Variants in STAG3 observed in about 807,000 individuals in gnomAD.
STAG3 encodes the protein STAG3 cohesin complex component, also known as cohesin subunit SA-3.
Under a neutral mutation model 160.7 loss-of-function variants are expected in STAG3, and 101 were observed. The observed-to-expected ratio is 0.63, with a 90% CI of 0.54 to 0.74. The LOEUF (loss-of-function observed/expected upper bound fraction) is 0.74. Among genes scored for constraint, STAG3 ranks in the 30% least tolerant of loss-of-function variants. STAG3 has a pLI of 0.00. For synonymous variants in STAG3, 519 were observed against 585.0 expected, an observed-to-expected ratio of 0.89 and a Z score of 1.63; for missense variants, 1,188 against 1,517.4, an observed-to-expected ratio of 0.78 and a Z score of 3.61.
At chr7:100,178,477 A>T (rs115838582) in intron 1 of STAG3, among the ~76,000 whole-genome samples, 2,318 of 151,298 alleles carry the variant, frequency 0.015, 49 homozygotes, top group African/African-American at 0.05. Flanking sequence ...ATTTCATTTT[A>T]AAAAACCTGT....
intron 33 of STAG3, 61 bp downstream of exon 33, chr7:100,213,867 A>G (rs376817334): frequency 1.9e-6 from 3 of 1,613,806 alleles, no homozygotes; most frequent in Admixed American, 1.7e-5. Context: ...CAACCCGTGC[A>G]CTCATCAAAT....
At chr7:100,212,262 C>G (rs1412115054) in intron 32 of STAG3, 2 of 176,310 alleles carry the variant, frequency 1.1e-5, no homozygotes, top group African/African-American at 4.8e-5. Flanking sequence ...CATCTCCCTA[C>G]TAGAGGGCTT....
intron 32 of STAG3, chr7:100,213,204 C>A: frequency 1.6e-6 from 1 of 609,814 alleles, no homozygotes; most frequent in Non-Finnish European, 2.1e-6. Flanking sequence ...ATGAGGGCTG[C>A]ACCCCTATGA....
chr7:100,219,133 A>G (rs1803028059), downstream of STAG3: 1 of 152,576 alleles, frequency 6.6e-6, no homozygotes, highest in African/African-American at 2.4e-5. Flanking sequence ...AAGCCGAAAA[A>G]TAAAGTATCT....
At position 100,180,631 on chromosome 7, in the gene STAG3, T is replaced by G. The variant is rs1799585252; in HGVS notation, c.75T>G (p.Ser25Arg). Residue 25 changes from serine (S) to arginine (R), a missense_variant, in exon 2 of 34, where the codon AGT (serine) becomes AGG (arginine). Around this residue, in one of 4 missense-constraint regions of STAG3, gnomAD observed 296 missense variants for 404.0 expected, o/e 0.73. Transcript: ENST00000615138. ...CTGCATCTTCTAGTTCCTCTGCCAG[T>G]CTACCCTTTGATGACAGGGACTCAA... ...ALSASSSSSA[S>R]LPFDDRDSNH... 1 of 1,613,468 alleles carries G rather than the reference T, an allele frequency of 6.2e-7. No individual in the cohort carries two copies. Among genetic ancestry groups the G allele is most frequent in the East Asian group, 2.2e-5 (1 of 44,882 alleles).
chr7:100,213,349 C>T (rs1454943257), intron 32 of STAG3: 1 of 985,080 alleles, frequency 1.0e-6, no homozygotes, highest in East Asian at 1.1e-4. Context: ...CTTCTGTTCT[C>T]TTCTCTGCAG....
intron 16 of STAG3, 139 bp from the exon 17 acceptor site, chr7:100,200,097 A>G: frequency 1.7e-6 from 1 of 573,390 alleles, no homozygotes; most frequent in Non-Finnish European, 3.0e-6. Context: ...TTTCATTTCC[A>G]GAAAAAAGAA....
rs1562989009 is a variant in STAG3 at position 100,201,880 on chromosome 7, TTAGA to T, written c.2301+16_2301+19del. On this transcript the variant is annotated intron_variant, in intron 22 of 33. Coordinates refer to ENST00000615138, the MANE Select transcript of STAG3 (RefSeq NM_001282717.2). ...GATGCTTCCCAGGTGAGTGTGGGTC[TTAGA>T]TGGGATAATGGGAACAGAGGAGTCT... The T allele has an allele frequency of 1.9e-6, 3 of 1,614,122 alleles. No individual in the cohort carries two copies. The highest frequency in any genetic ancestry group is 1.7e-6 in the Non-Finnish European group (2 of 1,179,972).
chr7:100,182,205 G>T lies in STAG3; in HGVS notation c.219+13G>T. Reference sequence around the variant, plus strand: ...GAAAACAACACCGGTGAGTCAGCCAGTTTTCTTTTGTTTTTGAATCTTGTG... The same window carrying T: ...GAAAACAACACCGGTGAGTCAGCCATTTTTCTTTTGTTTTTGAATCTTGTG... On this transcript the variant is annotated intron_variant, in intron 3 of 33. Transcript: ENST00000615138. 1 of 1,595,486 alleles carries T rather than the reference G, an allele frequency of 6.3e-7. No individual in the cohort carries two copies. The highest frequency in any genetic ancestry group is 2.2e-5 in the East Asian group (1 of 44,682).
intron 6 of STAG3, 79 bp from the exon 7 acceptor site, chr7:100,188,733 T>G: frequency 2.1e-6 from 3 of 1,431,488 alleles, no homozygotes; most frequent in Non-Finnish European, 2.9e-6. Context: ...ACTGGACTGT[T>G]GAGTTTTGAC....
At chr7:100,198,759 C>G in intron 13 of STAG3, 84 bp from the exon 14 acceptor site, 1 of 1,335,508 alleles carries the variant, frequency 7.5e-7, no homozygotes, top group Non-Finnish European at 1.1e-6. Context: ...TTATCATCTC[C>G]TTGGGCCATC....
rs530354158 is a variant in STAG3 at position 100,203,312 on chromosome 7, A to G, written c.2701-709A>G. On this transcript the variant is annotated intron_variant, in intron 25 of 33. Transcript: ENST00000615138. ...GCAGTTCTCCTGCCTCAGCCTCCCA[A>G]GTAGCTGGGATTACAGGCATGCGCT... Among the ~76,000 whole-genome samples, 244 of 151,562 alleles carry G rather than the reference A, an allele frequency of 1.6e-3. 2 individuals are homozygous for G. The highest frequency in any genetic ancestry group is 5.7e-3 in the African/African-American group (237 of 41,274).
chr7:100,197,832 C>G lies in STAG3; in HGVS notation c.1120C>G (p.Arg374Gly). 5 of 1,613,886 alleles carry G rather than the reference C, an allele frequency of 3.1e-6. No individual in the cohort carries two copies. Among genetic ancestry groups the G allele is most frequent in the Non-Finnish European group, 4.2e-6 (5 of 1,179,982 alleles). ...VKALKGLYGN[R>G]DLTTRLELFT... ...GGCCCTGAAAGGGCTGTACGGTAACCGGGACCTGACCACACGCCTGGAGCT... is the reference window on the plus strand; with the variant it reads ...GGCCCTGAAAGGGCTGTACGGTAACGGGGACCTGACCACACGCCTGGAGCT... Residue 374 changes from arginine (R) to glycine (G), a missense_variant, in exon 11 of 34, where the codon CGG becomes GGG. This residue lies in a region of STAG3 where 240 missense variants were observed against 358.1 expected (regional missense o/e 0.67). Transcript: ENST00000615138.
rs924775737 is a variant in STAG3, at chr7:100,210,676, A to G, written c.3239-335A>G. Among the ~76,000 whole-genome samples the G allele has an allele frequency of 6.6e-5, 10 of 150,812 alleles. No individual in the cohort carries two copies. The East Asian group carries it at 1.8e-3, about 27-fold the overall frequency. On this transcript the variant is annotated intron_variant, in intron 29 of 33. Transcript: ENST00000615138. ...AGACCTCTCAATCTTAGAGACTCCA[A>G]CCCTCCCTCATGTTTGTGTTCACCT...
downstream of STAG3, among the ~76,000 whole-genome samples, chr7:100,216,733 G>A (rs1023164917): frequency 4.0e-5 from 6 of 151,868 alleles, no homozygotes; most frequent in Admixed American, 6.6e-5. Context: ...TTTGGGAGAT[G>A]GAGGTTGCAG....
rs200071169 is a variant in STAG3 at position 100,205,262 on chromosome 7, C to T, written c.3116C>T (p.Ser1039Phe). 7.5e-4 allele frequency: 1,206 copies of T among 1,614,128 alleles called. 9 individuals are homozygous for T. The highest frequency in any genetic ancestry group is 1.6e-4 in the Non-Finnish European group (184 of 1,180,022). ...SYLEKCLQHVSQAPGHPWGPV... is the reference protein window; with the variant it reads ...SYLEKCLQHVFQAPGHPWGPV... ...CTAGAAAAGTGCCTGCAGCATGTCT[C>T]CCAGGCACCTGGCCATCCCTGGGGC... The change falls in exon 29 of 34, where the codon TCC becomes TTC. Residue 1039 changes from serine to phenylalanine, a missense_variant. Physicochemically the swap from Ser to Phe is radical, Grantham distance 155. This residue lies in a region of STAG3 where 647 missense variants were observed against 717.2 expected (regional missense o/e 0.90). Coordinates refer to ENST00000615138, the MANE Select transcript of STAG3 (RefSeq NM_001282717.2).
At chr7:100,200,657 C>A (rs867250156) in intron 18 of STAG3, 112 bp from the exon 19 acceptor site, 1 of 1,526,894 alleles carries the variant, frequency 6.5e-7, no homozygotes. Context: ...CAAGCCTTTT[C>A]TTAGGCATCT....
rs751084132 is a variant in STAG3, at chr7:100,199,320, T to C, written c.1526T>C (p.Leu509Pro). The C allele has an allele frequency of 2.2e-5, 36 of 1,614,062 alleles. No individual in the cohort carries two copies. Residue 509 changes from leucine (L) to proline (P), a missense_variant, in exon 15 of 34, where the codon CTG (leucine) becomes CCG (proline). This residue lies in a region of STAG3 where 240 missense variants were observed against 358.1 expected (regional missense o/e 0.67). Coordinates refer to ENST00000615138, the MANE Select transcript of STAG3 (RefSeq NM_001282717.2). ...DSLWDCAGARLKDWEGLTSLL... is the reference protein window; with the variant it reads ...DSLWDCAGARPKDWEGLTSLL... ...CTGTGGGACTGTGCAGGGGCTCGGCTGAAGGACTGGGAGGGTCTGACAAGC... is the reference window on the plus strand; with the variant it reads ...CTGTGGGACTGTGCAGGGGCTCGGCCGAAGGACTGGGAGGGTCTGACAAGC...
intron 21 of STAG3, 182 bp from the exon 22 acceptor site, chr7:100,201,604 G>A (rs1801140539): frequency 1.6e-6 from 1 of 643,990 alleles, no homozygotes; most frequent in Admixed American, 2.8e-5. Flanking sequence ...TTAGGGAGCG[G>A]TGACATTTCT....
Sources: allele counts gnomAD v4.1 joint callset (sites outside exome capture counted in the v4.1 genomes callset), GRCh38; gene constraint gnomAD v4.1.1; regional missense constraint gnomAD v4.1.1; transcripts MANE v1.5; gene names NCBI Gene and HGNC (gene_info 2026-07-23, HGNC 2026-07-21).